AMT: variants seen among roughly 807,000 people sequenced by gnomAD.
AMT encodes aminomethyltransferase.
A neutral mutation model predicts 39.5 loss-of-function variants in AMT; 24 were observed. The ratio of observed to expected loss-of-function variants is 0.61; its 90% CI spans 0.44 to 0.86. The LOEUF is 0.86. Among genes scored for constraint, AMT ranks in the 40% least tolerant of loss-of-function variants. The pLI, the probability that AMT is intolerant of heterozygous loss-of-function variation, is 0.00. For synonymous variants in AMT, 210 were observed against 212.1 expected, an observed-to-expected ratio of 0.99 and a Z score of 0.09; for missense variants, 501 against 537.0, an observed-to-expected ratio of 0.93 and a Z score of 0.66.
In AMT at chr3:49,419,722, G is replaced by T. The variant is rs1559528976; in HGVS notation, c.538C>A (p.Leu180Ile). The change falls in exon 5 of 9, where the codon CTA becomes ATA. Residue 180 changes from leucine (L) to isoleucine (I), a missense_variant. Physicochemically the swap from Leu to Ile is conservative, Grantham distance 5 (BLOSUM62 2). Transcript: ENST00000273588. The stretch of plus-strand genomic sequence containing the variant: ...CCAGCCCTCTCACCTTGCAGAGCTA[G>T]CAGGGCATTATCCAACACCTCCAGG... ...VGLEVLDNAL[L>I]ALQGPTAAQV... 6.2e-7 allele frequency: 1 copy of T among 1,614,102 alleles called. No individual in the cohort carries two copies. The highest frequency in any genetic ancestry group is 2.2e-5 in the East Asian group (1 of 44,884).
At position 49,417,985 on chromosome 3, in the gene AMT, C is replaced by T. The variant is rs373272779; in HGVS notation, c.878-12G>A. The T allele has an allele frequency of 3.1e-6, 5 of 1,600,830 alleles. No individual in the cohort carries two copies. The African/African-American group carries it at 4.0e-5, about 13-fold the overall frequency. On this transcript the variant is annotated splice_polypyrimidine_tract_variant and intron_variant, in intron 7 of 8. Transcript: ENST00000273588. ...TCGGCGGCGCTTCCCTGGAGAATGACACATGAGACATAAGCCACAGCCCAT... is the reference window on the plus strand; with the variant it reads ...TCGGCGGCGCTTCCCTGGAGAATGATACATGAGACATAAGCCACAGCCCAT...
At position 49,422,176 on chromosome 3, in the gene AMT, C is replaced by T. The variant is rs2049116342; in HGVS notation, c.186G>A (p.Arg62=). 6.2e-7 allele frequency: 1 copy of T among 1,613,956 alleles called. No individual in the cohort carries two copies. The highest frequency in any genetic ancestry group is 8.5e-7 in the Non-Finnish European group (1 of 1,180,046). ...FAGWSLPVQY[R]DSHTDSHLHT... ...GCAGGTGCGAGTCAGTGTGACTGTCCCGGTACTGCACTGGCAGACTCCAAC... is the reference window on the plus strand; with the variant it reads ...GCAGGTGCGAGTCAGTGTGACTGTCTCGGTACTGCACTGGCAGACTCCAAC... Residue 62 remains arginine (R), a synonymous_variant, in exon 2 of 9, where the codon CGG becomes CGA. Coordinates refer to ENST00000273588, the MANE Select transcript of AMT (RefSeq NM_000481.4).
chr3:49,417,394 G>GA lies in AMT; in HGVS notation c.*145dup. 1 of 1,606,536 alleles carries GA rather than the reference G, an allele frequency of 6.2e-7. No homozygotes were observed. The highest frequency in any genetic ancestry group is 8.5e-7 in the Non-Finnish European group (1 of 1,178,994). The stretch of plus-strand genomic sequence containing the variant: ...TGGAATGGCATGAGTTAGGTGGGGG[G>GA]AATAGGTGGTGTGGCCCCTCAACCA... On this transcript the variant is annotated 3_prime_UTR_variant, in exon 9 of 9. Coordinates refer to ENST00000273588, the MANE Select transcript of AMT (RefSeq NM_000481.4).
intron 5 of AMT, 45 bp from the exon 6 acceptor site, chr3:49,419,450 CCTCAA>C: frequency 6.2e-7 from 1 of 1,605,088 alleles, no homozygotes; most frequent in Non-Finnish European, 8.5e-7. Context: ...TCCCAGCATC[CCTCAA>C]AGCTGGACTA....
chr3:49,418,494 CTTTTTTTTT>C (rs3049036), intron 7 of AMT: 9 of 64,642 alleles, frequency 1.4e-4, no homozygotes, highest in Admixed American at 6.9e-4. Flanking sequence ...TCTTCAGTTT[CTTTTTTTTT>C]TTTTTTTTTT....
intron 2 of AMT, chr3:49,421,790 C>T (rs535788752): frequency 1.5e-6 from 1 of 670,164 alleles, no homozygotes; most frequent in African/African-American, 1.8e-5. Context: ...CTGGACAGGA[C>T]CTAGCACCTT....
At chr3:49,418,114 A>C in intron 7 of AMT, 141 bp from the exon 8 acceptor site, 4 of 1,127,410 alleles carry the variant, frequency 3.5e-6, no homozygotes, top group Non-Finnish European at 5.1e-6. Context: ...TCCTCCCTTC[A>C]CTGCCGTCAG....
chr3:49,421,711 G>T, intron 2 of AMT, 139 bp from the exon 3 acceptor site: 1 of 797,686 alleles, frequency 1.3e-6, no homozygotes, highest in Non-Finnish European at 2.1e-6. Context: ...GGTTCTACAC[G>T]TGGCAAAGGA....
Position 49,417,217 on chromosome 3 carries a change from C to T in AMT, c.*323G>A. The T allele has an allele frequency of 2.6e-6, 4 of 1,533,676 alleles. No individual in the cohort carries two copies. The highest frequency in any genetic ancestry group is 1.4e-5 in the African/African-American group (1 of 73,632). On this transcript the variant is annotated 3_prime_UTR_variant, in exon 9 of 9. Coordinates refer to ENST00000273588, the MANE Select transcript of AMT (RefSeq NM_000481.4). ...CTCTCCACAAAGGTGAGCCTTTGCT[C>T]CACAGCCAGCACCTGGCAGAGTGGG...
In AMT at chr3:49,417,490, C is replaced by T; in HGVS notation, c.*50G>A. 1 of 1,614,156 alleles carries T rather than the reference C, an allele frequency of 6.2e-7. No homozygotes were observed. Among genetic ancestry groups the T allele is most frequent in the Non-Finnish European group, 8.5e-7 (1 of 1,180,026 alleles). ...TTCTGCCTCAGCTTCTTGACTAACC[C>T]CTTGTAGGGGCAAAACTCCTGGAAG... is the stretch of plus-strand genomic sequence containing the variant. On this transcript the variant is annotated 3_prime_UTR_variant, in exon 9 of 9. Coordinates refer to ENST00000273588, the MANE Select transcript of AMT (RefSeq NM_000481.4).
chr3:49,421,791 C>T (rs2049107112), intron 2 of AMT: 1 of 669,504 alleles, frequency 1.5e-6, no homozygotes, highest in Non-Finnish European at 2.7e-6. Flanking sequence ...TGGACAGGAC[C>T]TAGCACCTTC....
intron 2 of AMT, chr3:49,421,853 T>C (rs900326714): frequency 1.9e-5 from 13 of 699,964 alleles, no homozygotes; most frequent in Non-Finnish European, 3.3e-5. Flanking sequence ...TGAGAGTGGG[T>C]GTCAGCCCTG....
At chr3:49,419,867 G>T in intron 4 of AMT, 79 bp from the exon 5 acceptor site, 1 of 1,351,138 alleles carries the variant, frequency 7.4e-7, no homozygotes, top group Non-Finnish European at 1.1e-6. Flanking sequence ...GAGCTGGACA[G>T]TAGTAGGACA....
chr3:49,421,939 C>G lies in AMT; in HGVS notation c.258+165G>C, dbSNP rs2049109735. On this transcript the variant is annotated intron_variant, in intron 2 of 8. Coordinates refer to ENST00000273588, the MANE Select transcript of AMT (RefSeq NM_000481.4). ...ATGAGATGATGAGACCCTCTGAGCT[C>G]ATTTCCTTGGGGCCATTGACCTATC... 3.2e-6 allele frequency: 3 copies of G among 949,384 alleles called. No individual in the cohort carries two copies. The East Asian group carries it at 7.5e-5, about 24-fold the overall frequency. The allele number at this position is 949,384 out of a possible 1,614,324, so 58.8% of individuals were successfully genotyped here. A position where few individuals can be genotyped will look rare whatever the true frequency, so the allele number is the denominator to read the frequency against.
chr3:49,419,446 C>T (rs1398915715), intron 5 of AMT, 41 bp from the exon 6 acceptor site: 2 of 1,607,166 alleles, frequency 1.2e-6, no homozygotes, highest in South Asian at 1.1e-5. Context: ...CAGGTCCCAG[C>T]ATCCCTCAAA....
At chr3:49,422,319 C>T in intron 1 of AMT, 42 bp downstream of exon 1, 1 of 1,613,686 alleles carries the variant, frequency 6.2e-7, no homozygotes, top group Non-Finnish European at 8.5e-7. Context: ...CCCCCAGCCG[C>T]TTCCCTCCCC....
chr3:49,419,488 C>G (rs2049062602), intron 5 of AMT, 83 bp from the exon 6 acceptor site: 2 of 1,571,818 alleles, frequency 1.3e-6, no homozygotes, highest in East Asian at 4.7e-5. Context: ...GGGACCAGAA[C>G]AAGCCCTGAG....
rs1368099067 is a variant in AMT at position 49,417,859 on chromosome 3, C to T, written c.992G>A (p.Arg331Gln). ...VGLMCEGAPM[R>Q]AHSPILNMEG... ...CATGTTCAGGATGGGACTGTGTGCC[C>T]GCATGGGGGCCCCCTCACACATCAA... Residue 331 changes from arginine to glutamine, a missense_variant, in exon 8 of 9, where the codon CGG (arginine) becomes CAG (glutamine). Transcript: ENST00000273588. The T allele has an allele frequency of 3.7e-6, 6 of 1,614,086 alleles. No homozygotes were observed. Among genetic ancestry groups the T allele is most frequent in the Admixed American group, 1.7e-5 (1 of 60,014 alleles).
chr3:49,417,193 T>C lies in AMT; in HGVS notation c.*347A>G, dbSNP rs1218034901. 1 of 1,394,722 alleles carries C rather than the reference T, an allele frequency of 7.2e-7. No homozygotes were observed. The highest frequency in any genetic ancestry group is 9.9e-7 in the Non-Finnish European group (1 of 1,005,560). 86.4% of individuals were successfully genotyped at this position (1,394,722 alleles called of 1,614,324 possible). On this transcript the variant is annotated 3_prime_UTR_variant, in exon 9 of 9. Coordinates refer to ENST00000273588, the MANE Select transcript of AMT (RefSeq NM_000481.4). Reference sequence around the variant, plus strand: ...GAGGTAGGTTGGGCAGGTTTTATCCTCTCCACAAAGGTGAGCCTTTGCTCC... The same window carrying C: ...GAGGTAGGTTGGGCAGGTTTTATCCCCTCCACAAAGGTGAGCCTTTGCTCC...
Sources: allele counts gnomAD v4.1 joint callset, GRCh38; gene constraint gnomAD v4.1.1; transcripts MANE v1.5; gene names NCBI Gene and HGNC (gene_info 2026-07-23, HGNC 2026-07-21).